The following JAZF1 variants were observed in gnomAD, a reference collection of about 807,000 sequenced individuals.
The protein encoded by JAZF1 is JAZF zinc finger 1, also known as juxtaposed with another zinc finger protein 1.
A neutral mutation model predicts 26.4 loss-of-function variants in JAZF1; 8 were observed. The observed-to-expected ratio is 0.30, with a 90% CI of 0.18 to 0.55. JAZF1 has a LOEUF of 0.55. Ranked by LOEUF, JAZF1 falls within the 20% of genes least tolerant of loss-of-function variation. The pLI is 0.94. For missense variants in JAZF1, 199 were observed against 322.0 expected, an observed-to-expected ratio of 0.62 and a Z score of 2.92; for synonymous variants, 126 against 122.3, an observed-to-expected ratio of 1.03 and a Z score of -0.20.
chr7:27,850,887 A>G (rs367719581), intron 3 of JAZF1, among the ~76,000 whole-genome samples: 17 of 152,174 alleles, frequency 1.1e-4, no homozygotes, highest in African/African-American at 4.1e-4. Context: ...TAAATCTAAC[A>G]AACATTTATA....
intron 2 of JAZF1, among the ~76,000 whole-genome samples, chr7:27,956,285 C>T (rs1785090897): frequency 6.6e-6 from 1 of 152,122 alleles, no homozygotes; most frequent in South Asian, 2.1e-4. Context: ...TGAGAGCAGT[C>T]AACTAGCCAT....
At chr7:27,981,335 T>C (rs1310667383) in intron 2 of JAZF1, among the ~76,000 whole-genome samples, 1 of 152,156 alleles carries the variant, frequency 6.6e-6, no homozygotes, top group Non-Finnish European at 1.5e-5. Context: ...GGTAGAAACA[T>C]TCTGTGGGAC....
At chr7:28,016,890 A>G (rs1562560156) in intron 1 of JAZF1, among the ~76,000 whole-genome samples, 1 of 152,226 alleles carries the variant, frequency 6.6e-6, no homozygotes, top group Admixed American at 6.5e-5. Context: ...GAATGACAAA[A>G]AAAGAGGATT....
intron 1 of JAZF1, among the ~76,000 whole-genome samples, chr7:28,096,220 T>C (rs919605707): frequency 6.6e-6 from 1 of 152,172 alleles, no homozygotes; most frequent in African/African-American, 2.4e-5. Context: ...AAAACAAGAA[T>C]GAAGGGAACA....
At chr7:28,174,022 A>C (rs1783512647) in intron 1 of JAZF1, among the ~76,000 whole-genome samples, 1 of 152,152 alleles carries the variant, frequency 6.6e-6, no homozygotes, top group Admixed American at 6.5e-5. Context: ...ACACATAATA[A>C]ATTTCTGACA....
intron 2 of JAZF1, among the ~76,000 whole-genome samples, chr7:27,958,671 C>G (rs1410759297): frequency 2.6e-5 from 4 of 152,164 alleles, no homozygotes; most frequent in Non-Finnish European, 5.9e-5. Context: ...GGGTCCAGTT[C>G]TGTGTGACTT....
At chr7:28,051,315 C>T (rs1264051673) in intron 1 of JAZF1, among the ~76,000 whole-genome samples, 1 of 151,492 alleles carries the variant, frequency 6.6e-6, no homozygotes, top group African/African-American at 2.4e-5. Flanking sequence ...CCTCCACCTC[C>T]TGGGTTCACA....
intron 3 of JAZF1, among the ~76,000 whole-genome samples, chr7:27,848,960 A>G (rs979144093): frequency 6.6e-6 from 1 of 152,194 alleles, no homozygotes; most frequent in African/African-American, 2.4e-5. Flanking sequence ...ACCTGGCCCT[A>G]GGAGAGGTGC....
At chr7:28,030,997 T>C (rs1347989045) in intron 1 of JAZF1, among the ~76,000 whole-genome samples, 1 of 152,162 alleles carries the variant, frequency 6.6e-6, no homozygotes, top group Non-Finnish European at 1.5e-5. Flanking sequence ...AAAGTAACCA[T>C]AGTTCCCAGG....
chr7:27,963,459 G>C (rs193179463), intron 2 of JAZF1, among the ~76,000 whole-genome samples: 20 of 152,210 alleles, frequency 1.3e-4, no homozygotes, highest in Admixed American at 1.3e-3. Context: ...TGGTAAATTG[G>C]GGGTAGCTGT....
intron 1 of JAZF1, among the ~76,000 whole-genome samples, chr7:28,080,553 T>A (rs904049313): frequency 6.6e-6 from 1 of 152,216 alleles, no homozygotes; most frequent in Non-Finnish European, 1.5e-5. Flanking sequence ...TAGCTTTTGA[T>A]TGAAAGTGAG....
At chr7:28,007,449 A>G (rs951995017) in intron 1 of JAZF1, among the ~76,000 whole-genome samples, 33 of 152,142 alleles carry the variant, frequency 2.2e-4, no homozygotes, top group African/African-American at 7.2e-4. Context: ...TGTGCCTGTA[A>G]TCCCAGCTAC....
At chr7:28,008,624 T>C (rs1316147114) in intron 1 of JAZF1, among the ~76,000 whole-genome samples, 2 of 152,228 alleles carry the variant, frequency 1.3e-5, no homozygotes, top group African/African-American at 2.4e-5. Context: ...GCTTAAACTA[T>C]ACACTAAAAC....
intron 2 of JAZF1, among the ~76,000 whole-genome samples, chr7:27,986,795 G>A (rs921833989): frequency 1.3e-5 from 2 of 152,174 alleles, no homozygotes; most frequent in African/African-American, 4.8e-5. Context: ...GCCTGGGATT[G>A]CAGGCGCGCG....
intron 1 of JAZF1, among the ~76,000 whole-genome samples, chr7:28,121,891 T>A (rs1331581954): frequency 6.6e-6 from 1 of 152,208 alleles, no homozygotes; most frequent in African/African-American, 2.4e-5. Flanking sequence ...TTTAGCCGAA[T>A]CCCATAATCT....
chr7:27,900,826 A>C (rs2128343018), intron 2 of JAZF1, among the ~76,000 whole-genome samples: 1 of 152,352 alleles, frequency 6.6e-6, no homozygotes, highest in South Asian at 2.1e-4. Context: ...TTAGGAAAAG[A>C]AATGAAATAA....
chr7:27,928,832 A>G (rs532248729), intron 2 of JAZF1, among the ~76,000 whole-genome samples: 1 of 152,266 alleles, frequency 6.6e-6, no homozygotes, highest in African/African-American at 2.4e-5. Flanking sequence ...AAAATAATTA[A>G]TGGATGTTAG....
intron 2 of JAZF1, among the ~76,000 whole-genome samples, chr7:27,984,022 C>T (rs1785643447): frequency 6.6e-6 from 1 of 152,198 alleles, no homozygotes; most frequent in South Asian, 2.1e-4. Context: ...ACCATCAAGG[C>T]CAGGAAGAAA....
At chr7:28,158,062 G>T (rs1437728590) in intron 1 of JAZF1, among the ~76,000 whole-genome samples, 2 of 151,924 alleles carry the variant, frequency 1.3e-5, no homozygotes, top group African/African-American at 4.8e-5. Context: ...CCTGCAGGGG[G>T]AATTATACTT....
Sources: gnomAD v4.1 joint callset for allele counts (sites outside exome capture counted in the v4.1 genomes callset) on GRCh38, gnomAD v4.1.1 for gene constraint, MANE v1.5 for transcripts, NCBI Gene and HGNC (gene_info 2026-07-23, HGNC 2026-07-21) for gene names.